ARHGEF26: variants seen among roughly 807,000 people sequenced by gnomAD.
ARHGEF26 encodes Rho guanine nucleotide exchange factor (GEF) 26.
A neutral mutation model predicts 89.4 loss-of-function variants in ARHGEF26; 59 were observed. The observed-to-expected ratio is 0.66, with a 90% CI of 0.54 to 0.82. The LOEUF (loss-of-function observed/expected upper bound fraction) is 0.82. Among genes scored for constraint, ARHGEF26 ranks in the 40% least tolerant of loss-of-function variants. The pLI, the probability that ARHGEF26 is intolerant of heterozygous loss-of-function variation, is 0.00. For synonymous variants in ARHGEF26, 500 were observed against 428.4 expected (o/e 1.17, Z -2.06); for missense variants, 1,234 against 1,085.6 (o/e 1.14, Z -1.92).
intron 6 of ARHGEF26, among the ~76,000 whole-genome samples, chr3:154,182,991 A>G (rs1488912683): frequency 6.6e-6 from 1 of 152,248 alleles, no homozygotes; most frequent in Non-Finnish European, 1.5e-5. Flanking sequence ...TTACTAGACC[A>G]TAAGCAAGCT....
intron 9 of ARHGEF26, among the ~76,000 whole-genome samples, chr3:154,214,632 G>T (rs557171196): frequency 4.6e-5 from 7 of 152,158 alleles, no homozygotes; most frequent in Non-Finnish European, 1.0e-4. Flanking sequence ...AAGAGGTGCC[G>T]TGTAGATAGT....
At chr3:154,218,092 G>C in intron 10 of ARHGEF26, 134 bp downstream of exon 10, 2 of 762,602 alleles carry the variant, frequency 2.6e-6, no homozygotes, top group Admixed American at 2.5e-5. Flanking sequence ...GGGAGTAGCA[G>C]ATGCTTCAGG....
intron 6 of ARHGEF26, among the ~76,000 whole-genome samples, chr3:154,181,200 G>A (rs1255924597): frequency 6.6e-6 from 1 of 152,160 alleles, no homozygotes; most frequent in East Asian, 1.9e-4. Context: ...TTTTGGTAGA[G>A]TACAGAATGT....
chr3:154,253,163 A>G lies in ARHGEF26; in HGVS notation c.2348A>G (p.Lys783Arg). The G allele has an allele frequency of 6.2e-7, 1 of 1,614,040 alleles. No homozygotes were observed. Among genetic ancestry groups the G allele is most frequent in the Middle Eastern group, 1.6e-4 (1 of 6,062 alleles). Residue 783 changes from lysine (K) to arginine (R), a missense_variant, in exon 13 of 15, where the codon AAG (lysine) becomes AGG (arginine). By Grantham distance (26) the Lys-to-Arg change is conservative. Coordinates refer to ENST00000465093, the MANE Select transcript of ARHGEF26 (RefSeq NM_015595.4). ...ACTGCCCTGGGACACAGCAGCGGGAAGCCGCCTGCAGACCGAACCTGTAAG... is the reference window on the plus strand; with the variant it reads ...ACTGCCCTGGGACACAGCAGCGGGAGGCCGCCTGCAGACCGAACCTGTAAG... ...WITALGHSSG[K>R]PPADRTSLTQ...
At chr3:154,154,875 T>C (rs1288938581) in intron 6 of ARHGEF26, among the ~76,000 whole-genome samples, 1 of 152,046 alleles carries the variant, frequency 6.6e-6, no homozygotes, top group Non-Finnish European at 1.5e-5. Context: ...TTACAGATAG[T>C]TTTTCTTTGT....
intron 6 of ARHGEF26, among the ~76,000 whole-genome samples, chr3:154,179,646 G>A (rs1713060734): frequency 6.6e-6 from 1 of 152,138 alleles, no homozygotes; most frequent in Admixed American, 6.5e-5. Context: ...TCACTAAGTA[G>A]TCACTGAAAG....
intron 6 of ARHGEF26, among the ~76,000 whole-genome samples, chr3:154,176,718 G>A (rs10935979): frequency 0.16 from 25,099 of 152,120 alleles, 2,505 homozygotes; most frequent in East Asian, 0.41. Flanking sequence ...TTGAAAAGCC[G>A]GGTCTGATGT....
chr3:154,245,828 T>C (rs1027828391), intron 12 of ARHGEF26, among the ~76,000 whole-genome samples: 3 of 152,214 alleles, frequency 2.0e-5, no homozygotes, highest in African/African-American at 7.2e-5. Context: ...CCATCAAGTG[T>C]TATTCTCAGT....
chr3:154,140,153 C>G (rs906497620), intron 4 of ARHGEF26, among the ~76,000 whole-genome samples: 1 of 152,142 alleles, frequency 6.6e-6, no homozygotes, highest in Non-Finnish European at 1.5e-5. Flanking sequence ...GCTGTTAGCT[C>G]TGGGATCATC....
At chr3:154,156,332 A>G (rs531936796) in intron 6 of ARHGEF26, among the ~76,000 whole-genome samples, 1 of 152,202 alleles carries the variant, frequency 6.6e-6, no homozygotes, top group Non-Finnish European at 1.5e-5. Context: ...TAAAAATTTT[A>G]TCTCTGTCAT....
chr3:154,162,670 G>A lies in ARHGEF26; in HGVS notation c.1487+9738G>A, dbSNP rs145139027. Among the ~76,000 whole-genome samples, 420 of 152,090 alleles carry A rather than the reference G, an allele frequency of 2.8e-3. 2 individuals are homozygous for A. Among genetic ancestry groups the A allele is most frequent in the Non-Finnish European group, 4.8e-3 (327 of 67,992 alleles). The stretch of plus-strand genomic sequence containing the variant: ...AGATGTGCACATTAGGTGAATTGGC[G>A]TGTCTGTGGCCCCAGTCTGAATGAA... On this transcript the variant is annotated intron_variant, in intron 6 of 14. Transcript: ENST00000465093.
chr3:154,199,256 A>C (rs1287960770), intron 9 of ARHGEF26, among the ~76,000 whole-genome samples: 1 of 151,640 alleles, frequency 6.6e-6, no homozygotes, highest in East Asian at 1.9e-4. Context: ...TCTACTCTCT[A>C]TGTCCATGAG....
intron 6 of ARHGEF26, among the ~76,000 whole-genome samples, chr3:154,173,417 T>G (rs532033914): frequency 6.6e-6 from 1 of 152,318 alleles, no homozygotes; most frequent in East Asian, 1.9e-4. Flanking sequence ...TTTCTTTCCT[T>G]TACTCCTGTA....
Position 154,191,326 on chromosome 3 carries a change from A to T in ARHGEF26, c.1678A>T (p.Ile560Phe). The change falls in exon 8 of 15, where the codon ATT becomes TTT. Residue 560 changes from isoleucine (I) to phenylalanine (F), a missense_variant. Ile to Phe is a conservative substitution (Grantham distance 21). Coordinates refer to ENST00000465093, the MANE Select transcript of ARHGEF26 (RefSeq NM_015595.4). ...NPSFKEVLSRIESHEDCRNLP... is the reference protein window; with the variant it reads ...NPSFKEVLSRFESHEDCRNLP... Reference sequence around the variant, plus strand: ...ATCCTTTAAGGAAGTATTGTCAAGGATTGAGTCCCATGAAGACTGTAGGAA... The same window carrying T: ...ATCCTTTAAGGAAGTATTGTCAAGGTTTGAGTCCCATGAAGACTGTAGGAA... 2 of 1,613,364 alleles carry T rather than the reference A, an allele frequency of 1.2e-6. No individual in the cohort carries two copies. Among genetic ancestry groups the T allele is most frequent in the Non-Finnish European group, 1.7e-6 (2 of 1,179,670 alleles).
At chr3:154,244,721 T>C (rs1717691680) in intron 12 of ARHGEF26, among the ~76,000 whole-genome samples, 1 of 148,898 alleles carries the variant, frequency 6.7e-6, no homozygotes, top group Non-Finnish European at 1.5e-5. Flanking sequence ...TATTTATAAT[T>C]ATATACATGG....
At chr3:154,221,233 T>C (rs914693021) in intron 10 of ARHGEF26, among the ~76,000 whole-genome samples, 2 of 152,158 alleles carry the variant, frequency 1.3e-5, no homozygotes, top group Admixed American at 6.5e-5. Flanking sequence ...TTGAAGATGC[T>C]TTATTTCACT....
chr3:154,198,068 G>A (rs1351935356), intron 9 of ARHGEF26, among the ~76,000 whole-genome samples: 2 of 152,122 alleles, frequency 1.3e-5, no homozygotes, highest in Admixed American at 6.5e-5. Context: ...TTCGTATAAC[G>A]TATTGCTTCA....
chr3:154,159,957 G>A (rs891935271), intron 6 of ARHGEF26, among the ~76,000 whole-genome samples: 1 of 152,072 alleles, frequency 6.6e-6, no homozygotes, highest in Non-Finnish European at 1.5e-5. Flanking sequence ...GTTAGCAAAT[G>A]TTATTTTCTT....
intron 9 of ARHGEF26, among the ~76,000 whole-genome samples, chr3:154,205,518 T>C (rs747957723): frequency 2.6e-5 from 4 of 152,330 alleles, no homozygotes; most frequent in South Asian, 2.1e-4. Flanking sequence ...AATGTTATTA[T>C]TGGTAAGTAT....
Sources: allele counts gnomAD v4.1 joint callset (sites outside exome capture counted in the v4.1 genomes callset), GRCh38; gene constraint gnomAD v4.1.1; transcripts MANE v1.5; gene names NCBI Gene and HGNC (gene_info 2026-07-23, HGNC 2026-07-21).